Variants in ASAP1 observed in about 807,000 individuals in gnomAD.
The protein encoded by ASAP1 is ArfGAP with SH3 domain, ankyrin repeat and PH domain 1, also known as arf-GAP with SH3 domain, ANK repeat and PH domain-containing protein 1.
In ASAP1, 43 loss-of-function variants were observed where a neutral mutation model predicts 145.2. The observed-to-expected ratio is 0.30, with a 90% confidence interval of 0.23 to 0.38. The LOEUF (loss-of-function observed/expected upper bound fraction) is 0.38. Ranked by LOEUF, ASAP1 falls within the 10% of genes least tolerant of loss-of-function variation. The pLI is 1.00. For missense variants in ASAP1, 1,018 were observed against 1,355.3 expected, an observed-to-expected ratio of 0.75 and a Z score of 3.91; for synonymous variants, 546 against 515.5, an observed-to-expected ratio of 1.06 and a Z score of -0.80.
chr8:130,379,397 G>C (rs1827660578), intron 2 of ASAP1, among the ~76,000 whole-genome samples: 1 of 152,192 alleles, frequency 6.6e-6, no homozygotes, highest in Non-Finnish European at 1.5e-5. Flanking sequence ...CCTGAGTTCT[G>C]TGAGTTCTAG....
At chr8:130,174,122 A>G (rs936458004) in intron 9 of ASAP1, among the ~76,000 whole-genome samples, 7 of 143,028 alleles carry the variant, frequency 4.9e-5, no homozygotes, top group Non-Finnish European at 9.2e-5. Flanking sequence ...AAAAAGGCTT[A>G]GGAGTCAAAA....
intron 2 of ASAP1, among the ~76,000 whole-genome samples, chr8:130,390,933 T>TTTC (rs1554902141): frequency 7.5e-6 from 1 of 133,150 alleles, no homozygotes; most frequent in African/African-American, 3.2e-5. Context: ...TGGGTATATA[T>TTTC]CCCCCGCCCC....
At chr8:130,170,373 T>C (rs547321970) in intron 9 of ASAP1, among the ~76,000 whole-genome samples, 5 of 152,270 alleles carry the variant, frequency 3.3e-5, no homozygotes, top group Middle Eastern at 6.8e-3. Flanking sequence ...CAGGCTCGTC[T>C]TGAACTCCTG....
intron 8 of ASAP1, among the ~76,000 whole-genome samples, chr8:130,180,232 G>A (rs1404826549): frequency 1.3e-5 from 2 of 152,146 alleles, no homozygotes; most frequent in African/African-American, 2.4e-5. Context: ...CTCAACAGCC[G>A]TGTCAGAACA....
intron 4 of ASAP1, among the ~76,000 whole-genome samples, chr8:130,231,514 G>C (rs1381083178): frequency 1.3e-5 from 2 of 151,940 alleles, no homozygotes; most frequent in East Asian, 3.9e-4. Flanking sequence ...ATATATCCTG[G>C]CATAAATTCT....
intron 12 of ASAP1, 138 bp from the exon 13 acceptor site, chr8:130,152,943 G>T: frequency 1.7e-6 from 1 of 585,990 alleles, no homozygotes; most frequent in Non-Finnish European, 2.8e-6. Context: ...AAAAATCCTG[G>T]TTGCCTTTTA....
At chr8:130,437,389 T>C (rs72726227) in intron 1 of ASAP1, among the ~76,000 whole-genome samples, 5,276 of 152,280 alleles carry the variant, frequency 0.035, 125 homozygotes, top group Middle Eastern at 0.082. Context: ...ACGAGACCCT[T>C]GTGCTGGCTG....
In ASAP1 at chr8:130,188,326, G is replaced by T. The variant is rs961889735; in HGVS notation, c.406-143C>A. 2.5e-5 allele frequency: 17 copies of T among 672,428 alleles called. No individual in the cohort carries two copies. In the South Asian group the frequency reaches 2.8e-4, roughly 11 times the overall value. 41.7% of individuals were successfully genotyped at this position (672,428 alleles called of 1,614,324 possible). A position where few individuals can be genotyped will look rare whatever the true frequency, so the allele number is the denominator to read the frequency against. ...ATGCATTATTTCATTGAACCTACAT[G>T]ACACCTCTGTAGGTTAGGCGACACA... is the stretch of plus-strand genomic sequence containing the variant. On this transcript the variant is annotated intron_variant, in intron 5 of 29. Coordinates refer to ENST00000518721, the MANE Select transcript of ASAP1 (RefSeq NM_018482.4).
At chr8:130,433,484 TC>T (rs374808160) in intron 1 of ASAP1, among the ~76,000 whole-genome samples, 132 of 152,344 alleles carry the variant, frequency 8.7e-4, no homozygotes, top group African/African-American at 3.1e-3. Context: ...CTATGACTGT[TC>T]CTTGGTAACT....
intron 7 of ASAP1, among the ~76,000 whole-genome samples, chr8:130,186,545 A>G (rs80038485): frequency 0.015 from 2,300 of 152,226 alleles, 51 homozygotes; most frequent in African/African-American, 0.053. Context: ...TGATACACAC[A>G]GTATCGAGAT....
At chr8:130,302,419 GAA>G (rs761431351) in intron 3 of ASAP1, among the ~76,000 whole-genome samples, 4 of 152,194 alleles carry the variant, frequency 2.6e-5, no homozygotes, top group Non-Finnish European at 5.9e-5. Context: ...AGATGAGAGA[GAA>G]ATGCTAAAAA....
chr8:130,427,282 G>A (rs183420418), intron 1 of ASAP1, among the ~76,000 whole-genome samples: 293 of 152,232 alleles, frequency 1.9e-3, no homozygotes, highest in Non-Finnish European at 3.2e-3. Flanking sequence ...GGCCTCCCAG[G>A]AGCCACCATG....
chr8:130,074,713 T>C (rs542649262), intron 27 of ASAP1, among the ~76,000 whole-genome samples: 6 of 152,290 alleles, frequency 3.9e-5, no homozygotes, highest in African/African-American at 1.2e-4. Flanking sequence ...GGTGGACTCC[T>C]GTGCTGACTC....
Position 130,057,976 on chromosome 8 carries a change from CCT to C in ASAP1, c.3291_3292del (p.Glu1099ArgfsTer15). On this transcript the variant is annotated frameshift_variant, in exon 29 of 30. Transcript: ENST00000518721. LOFTEE classifies it high-confidence loss of function. ...TACCCACCACTCCTGGTCCTCTTCC[CCT>C]GTGACGATAATCACTTCTCCCTCGA... The C allele has an allele frequency of 6.2e-7, 1 of 1,614,212 alleles. No individual in the cohort carries two copies.
chr8:130,210,794 A>C (rs928013152), intron 5 of ASAP1, among the ~76,000 whole-genome samples: 2 of 152,218 alleles, frequency 1.3e-5, no homozygotes, highest in Non-Finnish European at 2.9e-5. Flanking sequence ...TGGTGCATCT[A>C]TCTCTAAAAT....
At chr8:130,126,724 CTGACACTACG>C (rs1298581101) in intron 16 of ASAP1, among the ~76,000 whole-genome samples, 1 of 152,160 alleles carries the variant, frequency 6.6e-6, no homozygotes, top group Non-Finnish European at 1.5e-5. Context: ...TTGCCATTTC[CTGACACTACG>C]TGTGTCACTA....
chr8:130,072,824 T>TGTGTGTGTGCGCGCGCGC, intron 27 of ASAP1, among the ~76,000 whole-genome samples: 6 of 32,306 alleles, frequency 1.9e-4, no homozygotes, highest in Admixed American at 3.6e-4. Flanking sequence ...TGTGTGTGTG[T>TGTGTGTGTGCGCGCGCGC]GCGCGCGGGG....
At chr8:130,089,141 T>C (rs1456480669) in intron 25 of ASAP1, among the ~76,000 whole-genome samples, 2 of 152,054 alleles carry the variant, frequency 1.3e-5, no homozygotes, top group African/African-American at 4.8e-5. Context: ...GTGGGGAGTT[T>C]TACTGGACTG....
Position 130,116,974 on chromosome 8 carries a change from C to T in ASAP1, c.1902G>A (p.Thr634=), listed in dbSNP as rs753375926. ...AGTGTAGAACTGTGTTTCCCAGGGC[C>T]GTCTGCTTATCCAGGTTCCCACTGA... is the stretch of plus-strand genomic sequence containing the variant. The part of the protein sequence containing the change: ...VQNCGNLDKQ[T]ALGNTVLHYC... Residue 634 remains threonine (T), a synonymous_variant, in exon 21 of 30, where the codon ACG becomes ACA. Transcript: ENST00000518721. 15 of 1,608,598 alleles carry T rather than the reference C, an allele frequency of 9.3e-6. No homozygotes were observed. Among genetic ancestry groups the T allele is most frequent in the Admixed American group, 1.7e-5 (1 of 59,026 alleles).
Sources: allele counts gnomAD v4.1 joint callset (sites outside exome capture counted in the v4.1 genomes callset), GRCh38; gene constraint gnomAD v4.1.1; transcripts MANE v1.5; gene names NCBI Gene and HGNC (gene_info 2026-07-23, HGNC 2026-07-21).